Variants in PDE1C observed in about 807,000 individuals in gnomAD.
The protein encoded by PDE1C is dual specificity calcium/calmodulin-dependent 3',5'-cyclic nucleotide phosphodiesterase 1C.
Under a neutral mutation model 93.1 loss-of-function variants are expected in PDE1C, and 62 were observed. The observed-to-expected ratio is 0.67, with a 90% CI of 0.54 to 0.82. The LOEUF (loss-of-function observed/expected upper bound fraction) is 0.82, where lower values mean the gene tolerates loss of function less well. Ranked by LOEUF, PDE1C falls within the 40% of genes least tolerant of loss-of-function variation. PDE1C has a pLI of 0.00. For synonymous variants in PDE1C, 325 were observed against 310.1 expected (o/e 1.05, Z -0.50); for missense variants, 742 against 884.6 (o/e 0.84, Z 2.04).
chr7:31,709,436 T>C, the PDE1C span, among the ~76,000 whole-genome samples: 2 of 152,294 alleles, frequency 1.3e-5, no homozygotes, highest in East Asian at 1.9e-4. Context: ...AACTGTAACA[T>C]AGGATAATTT....
At chr7:32,185,841 A>T (rs1415489528) in intron 2 of PDE1C, among the ~76,000 whole-genome samples, 1 of 152,212 alleles carries the variant, frequency 6.6e-6, no homozygotes, top group Non-Finnish European at 1.5e-5. Flanking sequence ...TGTTCAATAG[A>T]CACATGACTA....
intron 3 of PDE1C, among the ~76,000 whole-genome samples, chr7:32,167,379 T>C (rs1321563985): frequency 1.3e-5 from 2 of 152,096 alleles, no homozygotes; most frequent in East Asian, 1.9e-4. Flanking sequence ...TATTAGAATA[T>C]GTCTGAGAAA....
At chr7:32,374,202 AAGAGAGGGAAAGAAAGG>A (rs1784384558) in intron 1 of PDE1C, among the ~76,000 whole-genome samples, 1 of 145,236 alleles carries the variant, frequency 6.9e-6, no homozygotes, top group African/African-American at 2.6e-5. Context: ...AAGAGAGGGA[AAGAGAGGGAAAGAAAGG>A]GAAAGAAAGA....
At chr7:31,749,028 T>G (rs1019828700), downstream of PDE1C, among the ~76,000 whole-genome samples, 1 of 152,162 alleles carries the variant, frequency 6.6e-6, no homozygotes, top group Non-Finnish European at 1.5e-5. Context: ...ATAGTGGCTA[T>G]CAACCATCTC....
intron 5 of PDE1C, among the ~76,000 whole-genome samples, chr7:31,877,250 A>G (rs1796709111): frequency 6.6e-6 from 1 of 152,140 alleles, no homozygotes; most frequent in Non-Finnish European, 1.5e-5. Context: ...CCTCAGACCA[A>G]TGCCTTCAGG....
intron 2 of PDE1C, among the ~76,000 whole-genome samples, chr7:32,011,427 C>T (rs1216323439): frequency 1.3e-5 from 2 of 152,034 alleles, no homozygotes; most frequent in African/African-American, 4.8e-5. Flanking sequence ...CTCCTGACCT[C>T]GTGATCCACC....
chr7:31,800,581 C>G (rs1785883414), intron 16 of PDE1C, among the ~76,000 whole-genome samples: 2 of 151,298 alleles, frequency 1.3e-5, no homozygotes, highest in South Asian at 4.2e-4. Flanking sequence ...CTAAGCTATT[C>G]TGTTGATCTG....
At chr7:31,712,701 A>T in the PDE1C span, among the ~76,000 whole-genome samples, 2 of 152,146 alleles carry the variant, frequency 1.3e-5, no homozygotes, top group Admixed American at 6.5e-5. Context: ...GAAGAAAAAG[A>T]GGTTTAATGG....
intron 1 of PDE1C, among the ~76,000 whole-genome samples, chr7:32,339,560 A>G (rs1443674936): frequency 6.6e-6 from 1 of 152,226 alleles, no homozygotes; most frequent in East Asian, 1.9e-4. Context: ...ATGAAGAATT[A>G]GCCCATATTG....
rs767758464 is a variant in PDE1C at position 31,816,106 on chromosome 7, T to C, written c.1631A>G (p.Glu544Gly). ...EAEEKARLAAEEQQKEMEAKS... is the reference protein window; with the variant it reads ...EAEEKARLAAGEQQKEMEAKS... ...GGCTTCCATTTCCTTTTGCTGCTCCTCTGCGGCCAGGCGAGCCTTTTCCTC... is the reference window on the plus strand; with the variant it reads ...GGCTTCCATTTCCTTTTGCTGCTCCCCTGCGGCCAGGCGAGCCTTTTCCTC... The change falls in exon 15 of 18, where the codon GAG (glutamate) becomes GGG (glycine). Residue 544 changes from glutamate to glycine, a missense_variant. This residue lies in a region of PDE1C where 454 missense variants were observed against 459.4 expected (regional missense o/e 0.99). Coordinates refer to ENST00000396191, the MANE Select transcript of PDE1C (RefSeq NM_001191057.4). 1 of 1,614,012 alleles carries C rather than the reference T, an allele frequency of 6.2e-7. No homozygotes were observed. The highest frequency in any genetic ancestry group is 2.2e-5 in the East Asian group (1 of 44,846).
At chr7:31,829,965 G>A (rs1007107626) in intron 11 of PDE1C, among the ~76,000 whole-genome samples, 1 of 152,044 alleles carries the variant, frequency 6.6e-6, no homozygotes, top group Non-Finnish European at 1.5e-5. Context: ...TTTTAATGGG[G>A]AGGGTGTGAA....
intron 2 of PDE1C, among the ~76,000 whole-genome samples, chr7:31,942,666 T>C (rs1414687739): frequency 6.6e-6 from 1 of 152,156 alleles, no homozygotes; most frequent in Non-Finnish European, 1.5e-5. Flanking sequence ...AAGAAGCAGG[T>C]GATAATTACT....
rs1234332130 is a variant in PDE1C, at chr7:31,794,033, T to TAGAC, written c.1891+14997_1891+14998insGTCT. The stretch of plus-strand genomic sequence containing the variant: ...ATAGATAGATAGATAGATAGATAGA[T>TAGAC]AGATAGATAGACAGACAGACAGACA... On this transcript the variant is annotated intron_variant, in intron 16 of 17. Transcript: ENST00000396191. Among the ~76,000 whole-genome samples the TAGAC allele has an allele frequency of 2.3e-3, 237 of 105,242 alleles. 1 individual carries two copies. Among genetic ancestry groups the TAGAC allele is most frequent in the East Asian group, 4.4e-3 (14 of 3,172 alleles). 69.0% of individuals were successfully genotyped at this position (105,242 alleles called of 152,430 possible).
At chr7:32,410,469 G>A (rs1054828326) in intron 1 of PDE1C, among the ~76,000 whole-genome samples, 2 of 152,040 alleles carry the variant, frequency 1.3e-5, no homozygotes, top group African/African-American at 4.8e-5. Context: ...GGAAGGAAAC[G>A]ATGGCAATGA....
intron 2 of PDE1C, among the ~76,000 whole-genome samples, chr7:31,983,467 T>A (rs377200364): frequency 2.6e-5 from 4 of 152,176 alleles, no homozygotes; most frequent in South Asian, 4.1e-4. Context: ...ATGCACTGAA[T>A]GATGCATGCC....
chr7:31,765,121 G>A (rs1171990626), intron 17 of PDE1C, among the ~76,000 whole-genome samples: 2 of 152,076 alleles, frequency 1.3e-5, no homozygotes, highest in Non-Finnish European at 2.9e-5. Context: ...ATATGGGGAG[G>A]CACTGAGACA....
rs1004118194 is a variant in PDE1C, at chr7:32,118,382, G to T, written c.308+51403C>A. ...TGCATGATTCAGTAGAGAGGAAAAA[G>T]CCCCAATAAAAATGAATATTAGAAT... On this transcript the variant is annotated intron_variant, in intron 3 of 18. Coordinates refer to the PDE1C transcript ENST00000396193. Among the ~76,000 whole-genome samples the T allele has an allele frequency of 4.6e-5, 7 of 152,256 alleles. No individual in the cohort carries two copies. In the South Asian group the frequency reaches 1.5e-3, roughly 32 times the overall value.
chr7:32,319,817 A>G (rs536435412), intron 1 of PDE1C, among the ~76,000 whole-genome samples: 3 of 152,340 alleles, frequency 2.0e-5, no homozygotes, highest in Admixed American at 2.0e-4. Flanking sequence ...GCTCCTACAG[A>G]CATTTTTCTT....
At chr7:31,848,685 C>T (rs188859368) in intron 8 of PDE1C, among the ~76,000 whole-genome samples, 21 of 152,196 alleles carry the variant, frequency 1.4e-4, no homozygotes, top group African/African-American at 3.4e-4. Flanking sequence ...ACTAAACACA[C>T]GACTGTATAA....
Sources: gnomAD v4.1 joint callset for allele counts (sites outside exome capture counted in the v4.1 genomes callset) on GRCh38, gnomAD v4.1.1 for gene constraint, gnomAD v4.1.1 regional missense constraint, MANE v1.5 for transcripts, NCBI Gene and HGNC (gene_info 2026-07-23, HGNC 2026-07-21) for gene names.